The following HS3ST5 variants were observed in gnomAD, a reference collection of about 807,000 sequenced individuals.
HS3ST5 encodes the protein heparan sulfate glucosamine 3-O-sulfotransferase 5.
A neutral mutation model predicts 25.4 loss-of-function variants in HS3ST5; 10 were observed. The observed-to-expected ratio is 0.39, with a 90% confidence interval of 0.24 to 0.67. The LOEUF (loss-of-function observed/expected upper bound fraction) is 0.67, where lower values mean the gene tolerates loss of function less well. HS3ST5 is among the 30% of genes least tolerant of loss of function. The pLI, the probability that HS3ST5 is intolerant of heterozygous loss-of-function variation, is 0.44. For missense variants in HS3ST5, 324 were observed against 420.7 expected, an observed-to-expected ratio of 0.77 and a Z score of 2.01; for synonymous variants, 170 against 162.4, an observed-to-expected ratio of 1.05 and a Z score of -0.36.
chr6:114,172,358 C>G (rs1430543727), intron 2 of HS3ST5, among the ~76,000 whole-genome samples: 1 of 152,154 alleles, frequency 6.6e-6, no homozygotes, highest in East Asian at 1.9e-4. Context: ...ACAAATATTC[C>G]TCCTATTTAG....
intron 2 of HS3ST5, among the ~76,000 whole-genome samples, chr6:114,175,621 G>C (rs186183025): frequency 6.6e-6 from 1 of 152,168 alleles, no homozygotes; most frequent in Admixed American, 6.5e-5. Context: ...GGGAGGGCAC[G>C]TGAGGGAGGA....
rs531850430 is a variant in HS3ST5 at position 114,333,046 on chromosome 6, T to C, written c.-339+9149A>G. Among the ~76,000 whole-genome samples the C allele has an allele frequency of 2.6e-5, 4 of 152,226 alleles. No individual in the cohort carries two copies. In the South Asian group the frequency reaches 8.3e-4, roughly 32 times the overall value. On this transcript the variant is annotated intron_variant, in intron 1 of 4. Coordinates refer to ENST00000312719, the MANE Select transcript of HS3ST5 (RefSeq NM_153612.4). ...GCTGCAGGTTAGTAAGCAAGTGAAC[T>C]GCATGATCAGATTTGTAGTCAGAAA...
At chr6:114,295,546 T>A (rs1307013316) in intron 1 of HS3ST5, among the ~76,000 whole-genome samples, 3 of 152,192 alleles carry the variant, frequency 2.0e-5, no homozygotes, top group Non-Finnish European at 4.4e-5. Context: ...GAAACTGACA[T>A]ATCTAGATAC....
At chr6:114,264,415 C>T (rs1157906488) in intron 1 of HS3ST5, among the ~76,000 whole-genome samples, 1 of 152,008 alleles carries the variant, frequency 6.6e-6, no homozygotes, top group East Asian at 1.9e-4. Context: ...AGTTATTGCC[C>T]CCAATATTGC....
At chr6:114,074,579 G>C (rs747693226) in intron 3 of HS3ST5, among the ~76,000 whole-genome samples, 1 of 152,012 alleles carries the variant, frequency 6.6e-6, no homozygotes, top group Non-Finnish European at 1.5e-5. Context: ...TTTTACAGAG[G>C]CCTGTTTTCA....
chr6:114,258,539 T>C (rs1366676488), intron 1 of HS3ST5, among the ~76,000 whole-genome samples: 1 of 152,090 alleles, frequency 6.6e-6, no homozygotes. Context: ...TTTGCAGCCA[T>C]GGGCCTGGGG....
intron 3 of HS3ST5, among the ~76,000 whole-genome samples, chr6:114,119,190 G>A (rs1296458800): frequency 1.3e-5 from 2 of 152,176 alleles, no homozygotes; most frequent in Non-Finnish European, 2.9e-5. Flanking sequence ...AATGCAAAGT[G>A]CCTGAGGGAC....
chr6:114,083,393 A>G (rs1774575327), intron 3 of HS3ST5, among the ~76,000 whole-genome samples: 1 of 152,110 alleles, frequency 6.6e-6, no homozygotes, highest in East Asian at 1.9e-4. Context: ...GAGGCAAAAG[A>G]ACAAGAGGGA....
At chr6:114,213,793 C>G (rs1034088107) in intron 2 of HS3ST5, among the ~76,000 whole-genome samples, 1 of 152,168 alleles carries the variant, frequency 6.6e-6, no homozygotes, top group African/African-American at 2.4e-5. Flanking sequence ...TATTTTATCT[C>G]TACGATCCCC....
At chr6:114,236,365 TA>T (rs1195305196) in intron 1 of HS3ST5, among the ~76,000 whole-genome samples, 2 of 152,230 alleles carry the variant, frequency 1.3e-5, no homozygotes, top group Admixed American at 1.3e-4. Context: ...ATAATTGTAA[TA>T]GGCTGAAAAA....
intron 2 of HS3ST5, among the ~76,000 whole-genome samples, chr6:114,209,454 T>C (rs1460838653): frequency 1.3e-5 from 2 of 152,148 alleles, no homozygotes; most frequent in African/African-American, 4.8e-5. Flanking sequence ...TTCTTCTTCC[T>C]ACATTTTTGC....
rs368474201 is a variant in HS3ST5, at chr6:114,303,866, T to A, written c.-339+38329A>T. Among the ~76,000 whole-genome samples, 27 of 152,286 alleles carry A rather than the reference T, an allele frequency of 1.8e-4. No individual in the cohort carries two copies. The South Asian group carries it at 5.4e-3, about 30-fold the overall frequency. On this transcript the variant is annotated intron_variant, in intron 1 of 4. Coordinates refer to ENST00000312719, the MANE Select transcript of HS3ST5 (RefSeq NM_153612.4). Reference sequence around the variant, plus strand: ...CCATAAATCAGAATGTGATTTTCCATATCAAGCCTTCAGGAAGACAAAGAA... The same window carrying A: ...CCATAAATCAGAATGTGATTTTCCAAATCAAGCCTTCAGGAAGACAAAGAA...
At chr6:114,126,468 A>G (rs910943526) in intron 3 of HS3ST5, among the ~76,000 whole-genome samples, 5 of 152,178 alleles carry the variant, frequency 3.3e-5, no homozygotes, top group Admixed American at 2.6e-4. Flanking sequence ...AGATTAAGAA[A>G]CAGGATCCTC....
At chr6:114,304,658 A>T (rs949283731) in intron 1 of HS3ST5, among the ~76,000 whole-genome samples, 2 of 152,150 alleles carry the variant, frequency 1.3e-5, no homozygotes, top group Non-Finnish European at 2.9e-5. Context: ...ACAGATTTTT[A>T]AAAAATCATT....
chr6:114,292,673 T>C (rs958966686), intron 1 of HS3ST5, among the ~76,000 whole-genome samples: 19 of 152,212 alleles, frequency 1.2e-4, no homozygotes, highest in Admixed American at 1.1e-3. Context: ...AAGTTACTCA[T>C]GGTTTGGTGG....
intron 1 of HS3ST5, among the ~76,000 whole-genome samples, chr6:114,287,514 C>A (rs1314008624): frequency 6.6e-6 from 1 of 152,022 alleles, no homozygotes; most frequent in Non-Finnish European, 1.5e-5. Flanking sequence ...TTATAATGTA[C>A]ATACTGTTTT....
At chr6:114,197,295 C>A (rs1780808668) in intron 2 of HS3ST5, among the ~76,000 whole-genome samples, 1 of 151,958 alleles carries the variant, frequency 6.6e-6, no homozygotes, top group Non-Finnish European at 1.5e-5. Flanking sequence ...CAGTCCCATA[C>A]AAATTTAATA....
At chr6:114,214,440 C>T (rs993155048) in intron 2 of HS3ST5, among the ~76,000 whole-genome samples, 8 of 152,126 alleles carry the variant, frequency 5.3e-5, no homozygotes, top group Non-Finnish European at 7.3e-5. Context: ...CTTTCATGAC[C>T]TTGACAACTT....
chr6:114,283,353 G>GT lies in HS3ST5; in HGVS notation c.-338-54576dup, dbSNP rs1399551327. 1.2e-4 allele frequency among the ~76,000 whole-genome samples: 18 copies of GT among 151,850 alleles called. No homozygotes were observed. In the East Asian group the frequency reaches 3.1e-3, roughly 26 times the overall value. ...ACAGTAATCATAACTTCTAAGCTTG[G>GT]TTTGTCATTAATAACCTGTAAGACC... On this transcript the variant is annotated intron_variant, in intron 1 of 4. Coordinates refer to ENST00000312719, the MANE Select transcript of HS3ST5 (RefSeq NM_153612.4).
Sources: gnomAD v4.1 joint callset for allele counts (sites outside exome capture counted in the v4.1 genomes callset) on GRCh38, gnomAD v4.1.1 for gene constraint, MANE v1.5 for transcripts, NCBI Gene and HGNC (gene_info 2026-07-23, HGNC 2026-07-21) for gene names.